Variants in AKAIN1 observed in about 807,000 individuals in gnomAD.
AKAIN1 encodes A-kinase anchor inhibitor 1.
AKAIN1 carries 3 observed loss-of-function variants against 3.7 expected under a neutral mutation model. The observed-to-expected ratio is 0.82, with a 90% CI of 0.37 to 2.12. AKAIN1 has a LOEUF of 2.12. Ranked by LOEUF, AKAIN1 falls within the 30% of genes most tolerant of loss-of-function variation. The probability of loss-of-function intolerance (pLI) is 0.06; values close to 1 mark genes in which losing one functional copy is unlikely to be tolerated. For synonymous variants in AKAIN1, 31 were observed against 30.8 expected, an observed-to-expected ratio of 1.01 and a Z score of -0.02; for missense variants, 82 against 82.7, an observed-to-expected ratio of 0.99 and a Z score of 0.03.
At chr18:5,162,469 T>A (rs1280066967) in intron 1 of AKAIN1, among the ~76,000 whole-genome samples, 1 of 152,078 alleles carries the variant, frequency 6.6e-6, no homozygotes, top group Non-Finnish European at 1.5e-5. Flanking sequence ...CTCAAAATGT[T>A]CACCAAAGGC....
intron 1 of AKAIN1, among the ~76,000 whole-genome samples, chr18:5,152,762 G>A (rs552857521): frequency 1.2e-3 from 190 of 152,160 alleles, no homozygotes; most frequent in Non-Finnish European, 2.1e-3. Context: ...CCCCTGAGTG[G>A]CAAGTCCCTG....
intron 1 of AKAIN1, among the ~76,000 whole-genome samples, chr18:5,195,664 C>T (rs2071343354): frequency 6.6e-6 from 1 of 152,170 alleles, no homozygotes; most frequent in East Asian, 1.9e-4. Context: ...TTCCTTAACT[C>T]TCAGGGTAAT....
At chr18:5,178,453 G>A (rs2071238543) in intron 1 of AKAIN1, among the ~76,000 whole-genome samples, 1 of 152,128 alleles carries the variant, frequency 6.6e-6, no homozygotes, top group East Asian at 1.9e-4. Flanking sequence ...CCAGAAAGGT[G>A]TGTTCTTCAA....
At chr18:5,189,681 C>T (rs2071308036) in intron 1 of AKAIN1, among the ~76,000 whole-genome samples, 1 of 152,100 alleles carries the variant, frequency 6.6e-6, no homozygotes, top group South Asian at 2.1e-4. Context: ...CCTTTACCAT[C>T]CATATTTCTA....
At chr18:5,181,251 C>A (rs1448923630) in intron 1 of AKAIN1, among the ~76,000 whole-genome samples, 2 of 152,102 alleles carry the variant, frequency 1.3e-5, no homozygotes, top group African/African-American at 2.4e-5. Flanking sequence ...GTGATTGCAC[C>A]ACTGCACTCC....
chr18:5,189,992 C>A (rs1046698581), intron 1 of AKAIN1, among the ~76,000 whole-genome samples: 6 of 152,076 alleles, frequency 3.9e-5, no homozygotes, highest in East Asian at 3.9e-4. Flanking sequence ...GTGATTTATG[C>A]GGACAAGAAA....
chr18:5,197,516 A>AAAAAAAAAAAAAT (rs58012253), upstream of AKAIN1: 8 of 1,211,962 alleles, frequency 6.6e-6, no homozygotes, highest in Non-Finnish European at 8.2e-6. The surrounding 1 kb of genome is among the most constrained non-coding windows in gnomAD (Gnocchi z 6.9). Context: ...AAAAAAAAAA[A>AAAAAAAAAAAAAT]CTCTAAGAGC....
chr18:5,176,149 G>T (rs1311877437), intron 1 of AKAIN1, among the ~76,000 whole-genome samples: 1 of 152,042 alleles, frequency 6.6e-6, no homozygotes, highest in African/African-American at 2.4e-5. Flanking sequence ...AATAAAGACT[G>T]GTAAATAGGC....
chr18:5,196,485 T>C (rs1005435332), intron 1 of AKAIN1, among the ~76,000 whole-genome samples: 3 of 152,260 alleles, frequency 2.0e-5, no homozygotes, highest in African/African-American at 4.8e-5. Flanking sequence ...GCTGCCTCTG[T>C]GCTGCAGCCT....
intron 1 of AKAIN1, among the ~76,000 whole-genome samples, chr18:5,147,726 C>G (rs1297986741): frequency 6.6e-6 from 1 of 152,130 alleles, no homozygotes; most frequent in East Asian, 1.9e-4. Context: ...GATTTGCAAT[C>G]TAGTGAACAA....
chr18:5,185,424 G>GA (rs1448098356), intron 1 of AKAIN1, among the ~76,000 whole-genome samples: 1 of 151,968 alleles, frequency 6.6e-6, no homozygotes, highest in East Asian at 1.9e-4. Flanking sequence ...CAAAATGGTA[G>GA]AAAAATATTT....
chr18:5,197,220 G>T lies in AKAIN1; in HGVS notation c.-167C>A. The stretch of plus-strand genomic sequence containing the variant: ...GCTCCCGCCGCTAGATCCTGGGGCC[G>T]CAGCTCCAGCCGCCGCCGCGCGCTC... On this transcript the variant is annotated 5_prime_UTR_variant, in exon 1 of 2. Coordinates refer to ENST00000434239, the MANE Select transcript of AKAIN1 (RefSeq NM_001145194.2). This position sits in a 1 kb window ranked among gnomAD's most constrained non-coding sequence, Gnocchi z 6.9. The T allele has an allele frequency of 7.2e-6, 10 of 1,390,480 alleles. No homozygotes were observed. The East Asian group carries it at 2.3e-4, about 32-fold the overall frequency. The allele number at this position is 1,390,480 out of a possible 1,614,324, so 86.1% of individuals were successfully genotyped here. A position where few individuals can be genotyped will look rare whatever the true frequency, so the allele number is the denominator to read the frequency against.
intron 1 of AKAIN1, among the ~76,000 whole-genome samples, chr18:5,168,001 G>A (rs1310685494): frequency 2.0e-5 from 3 of 152,024 alleles, no homozygotes; most frequent in South Asian, 2.1e-4. Context: ...AATGAGACAC[G>A]TGCATGGGCT....
intron 1 of AKAIN1, among the ~76,000 whole-genome samples, chr18:5,160,348 C>G (rs1193577240): frequency 6.6e-6 from 1 of 152,144 alleles, no homozygotes; most frequent in Non-Finnish European, 1.5e-5. Context: ...TGAGGTTGAA[C>G]ATCTATTCAG....
intron 1 of AKAIN1, among the ~76,000 whole-genome samples, chr18:5,162,854 G>T (rs1046577548): frequency 1.3e-5 from 2 of 151,888 alleles, no homozygotes; most frequent in Non-Finnish European, 2.9e-5. Flanking sequence ...TACAGGAAAG[G>T]TCAGGTCTAA....
intron 1 of AKAIN1, among the ~76,000 whole-genome samples, chr18:5,186,718 A>G (rs2071289581): frequency 6.6e-6 from 1 of 152,166 alleles, no homozygotes; most frequent in African/African-American, 2.4e-5. Context: ...AGAGCATTCC[A>G]CCTGAAAGAG....
At chr18:5,186,209 C>T (rs1386459368) in intron 1 of AKAIN1, among the ~76,000 whole-genome samples, 2 of 151,856 alleles carry the variant, frequency 1.3e-5, no homozygotes, top group Non-Finnish European at 1.5e-5. Flanking sequence ...CAACAGATAC[C>T]AGGGCCTACT....
intron 1 of AKAIN1, among the ~76,000 whole-genome samples, chr18:5,189,139 A>T (rs1275714150): frequency 2.0e-5 from 3 of 152,158 alleles, no homozygotes; most frequent in Admixed American, 6.5e-5. Context: ...CAGAGACCCA[A>T]GACAACTCTG....
chr18:5,171,014 C>T (rs2071194851), intron 1 of AKAIN1: 2 of 152,210 alleles, frequency 1.3e-5, no homozygotes, highest in African/African-American at 4.8e-5. Context: ...CAGCTGATGC[C>T]AAGTGAAGCA....
Sources: allele counts gnomAD v4.1 joint callset (sites outside exome capture counted in the v4.1 genomes callset), GRCh38; gene constraint gnomAD v4.1.1; non-coding constraint Gnocchi (gnomAD v3.1); transcripts MANE v1.5; gene names NCBI Gene and HGNC (gene_info 2026-07-23, HGNC 2026-07-21).